Variants in NR6A1 observed in about 807,000 individuals in gnomAD.
NR6A1 encodes the protein nuclear receptor subfamily 6 group A member 1, also known as retinoic acid receptor-related testis-associated receptor.
A neutral mutation model predicts 59.1 loss-of-function variants in NR6A1; 7 were observed. The observed-to-expected ratio is 0.12, with a 90% CI of 0.07 to 0.22. NR6A1 has a LOEUF of 0.22. Among genes scored for constraint, NR6A1 ranks in the 10% least tolerant of loss-of-function variants. The probability of loss-of-function intolerance (pLI) is 1.00; values close to 1 mark genes in which losing one functional copy is unlikely to be tolerated. For missense variants in NR6A1, 468 were observed against 611.6 expected, an observed-to-expected ratio of 0.77 and a Z score of 2.48; for synonymous variants, 243 against 236.1, an observed-to-expected ratio of 1.03 and a Z score of -0.27.
At chr9:124,688,112 T>A (rs961447592) in intron 2 of NR6A1, among the ~76,000 whole-genome samples, 1 of 152,062 alleles carries the variant, frequency 6.6e-6, no homozygotes, top group African/African-American at 2.4e-5. Context: ...GTTTGAGGCA[T>A]GGAGTTTGAG....
chr9:124,750,011 T>G (rs1466008762), intron 1 of NR6A1, among the ~76,000 whole-genome samples: 1 of 152,178 alleles, frequency 6.6e-6, no homozygotes, highest in African/African-American at 2.4e-5. Context: ...TAAGTCACAG[T>G]GACCATACTA....
chr9:124,729,382 CTTTTT>C (rs1248530825), intron 2 of NR6A1, among the ~76,000 whole-genome samples: 1 of 151,700 alleles, frequency 6.6e-6, no homozygotes, highest in African/African-American at 2.4e-5. Context: ...GATCACTGTT[CTTTTT>C]TTTATCATTT....
chr9:124,588,878 C>A (rs1835015509), intron 2 of NR6A1, among the ~76,000 whole-genome samples: 1 of 147,696 alleles, frequency 6.8e-6, no homozygotes, highest in Admixed American at 6.7e-5. Context: ...CGAGATCGTG[C>A]CACTGCACTC....
At chr9:124,725,887 A>G (rs1277179199) in intron 2 of NR6A1, among the ~76,000 whole-genome samples, 2 of 152,250 alleles carry the variant, frequency 1.3e-5, no homozygotes, top group Admixed American at 1.3e-4. Context: ...TGGTTGTGTC[A>G]TTATTTAATG....
chr9:124,670,696 T>A (rs920434458), intron 2 of NR6A1, among the ~76,000 whole-genome samples: 3 of 151,948 alleles, frequency 2.0e-5, no homozygotes, highest in African/African-American at 7.3e-5. Flanking sequence ...TTAAGAGCAG[T>A]GAGGAAAAGA....
chr9:124,701,700 T>C (rs1476851777), intron 2 of NR6A1, among the ~76,000 whole-genome samples: 5 of 152,222 alleles, frequency 3.3e-5, no homozygotes, highest in Non-Finnish European at 7.3e-5. Flanking sequence ...GTTCTTTACG[T>C]ATTTTAGATG....
Position 124,718,731 on chromosome 9 carries a change from A to G in NR6A1, c.142+14577T>C, listed in dbSNP as rs147596360. ...AGACTAAAAATTTGCCTTCTCCTTA[A>G]GTCTACAGCATCCTACTGCATGAAT... On this transcript the variant is annotated intron_variant, in intron 2 of 9. Transcript: ENST00000487099. 4.6e-3 allele frequency among the ~76,000 whole-genome samples: 703 copies of G among 152,002 alleles called. 5 individuals carry two copies. Among genetic ancestry groups the G allele is most frequent in the African/African-American group, 0.016 (667 of 41,450 alleles).
At chr9:124,601,216 C>T (rs1247422696) in intron 2 of NR6A1, among the ~76,000 whole-genome samples, 1 of 152,004 alleles carries the variant, frequency 6.6e-6, no homozygotes, top group Non-Finnish European at 1.5e-5. Context: ...ACGGAGGTTG[C>T]AGTGAGCAGA....
chr9:124,752,664 C>A (rs1840538071), intron 1 of NR6A1, among the ~76,000 whole-genome samples: 1 of 152,016 alleles, frequency 6.6e-6, no homozygotes, highest in Non-Finnish European at 1.5e-5. Context: ...ACAGTTATTT[C>A]AATAAATCAT....
intron 2 of NR6A1, among the ~76,000 whole-genome samples, chr9:124,663,839 A>C (rs1453445477): frequency 6.6e-6 from 1 of 152,230 alleles, no homozygotes; most frequent in Non-Finnish European, 1.5e-5. Flanking sequence ...ATTATTTGAA[A>C]AGTGAGGTGG....
At chr9:124,769,857 T>C (rs1841062690) in intron 1 of NR6A1, among the ~76,000 whole-genome samples, 1 of 152,218 alleles carries the variant, frequency 6.6e-6, no homozygotes, top group Admixed American at 6.5e-5. Flanking sequence ...TCCAGGGCGC[T>C]TTCCAAGTTC....
At chr9:124,711,930 T>C (rs1177097380) in intron 2 of NR6A1, among the ~76,000 whole-genome samples, 1 of 152,252 alleles carries the variant, frequency 6.6e-6, no homozygotes, top group Non-Finnish European at 1.5e-5. Flanking sequence ...AGAGTTTTTG[T>C]ACATGCTCTT....
chr9:124,550,694 C>CATTTAT (rs1036044240), intron 3 of NR6A1, among the ~76,000 whole-genome samples: 2 of 151,672 alleles, frequency 1.3e-5, no homozygotes, highest in East Asian at 3.9e-4. Flanking sequence ...ATTCCTTCTA[C>CATTTAT]ATTTATATTT....
intron 2 of NR6A1, among the ~76,000 whole-genome samples, chr9:124,598,004 C>A (rs1835327015): frequency 6.6e-6 from 1 of 152,112 alleles, no homozygotes; most frequent in Non-Finnish European, 1.5e-5. Context: ...CACGCACCAC[C>A]ACGCCTGGCT....
intron 3 of NR6A1, among the ~76,000 whole-genome samples, chr9:124,547,510 T>C (rs1292074403): frequency 6.6e-6 from 1 of 152,196 alleles, no homozygotes. Context: ...ATGTTGCCTG[T>C]ACTCAGAAAG....
intron 2 of NR6A1, among the ~76,000 whole-genome samples, chr9:124,625,441 C>T (rs1331507809): frequency 6.6e-6 from 1 of 152,184 alleles, no homozygotes; most frequent in African/African-American, 2.4e-5. Context: ...GAGCCTCCTG[C>T]TCATCCTCTC....
chr9:124,696,360 G>A (rs1164313625), intron 2 of NR6A1, among the ~76,000 whole-genome samples: 1 of 152,074 alleles, frequency 6.6e-6, no homozygotes, highest in Non-Finnish European at 1.5e-5. Context: ...TCTCAAAAAG[G>A]CATACTTTGG....
chr9:124,730,963 G>A (rs2131122784), intron 2 of NR6A1, among the ~76,000 whole-genome samples: 1 of 152,302 alleles, frequency 6.6e-6, no homozygotes, highest in Admixed American at 6.5e-5. Flanking sequence ...GGAGCAGAGA[G>A]AACACTCAGT....
At chr9:124,751,150 A>G (rs1309322204) in intron 1 of NR6A1, among the ~76,000 whole-genome samples, 1 of 152,212 alleles carries the variant, frequency 6.6e-6, no homozygotes, top group Non-Finnish European at 1.5e-5. Flanking sequence ...CACACAATAA[A>G]TTTCAGCTCA....
Sources: gnomAD v4.1 joint callset for allele counts (sites outside exome capture counted in the v4.1 genomes callset) on GRCh38, gnomAD v4.1.1 for gene constraint, MANE v1.5 for transcripts, NCBI Gene and HGNC (gene_info 2026-07-23, HGNC 2026-07-21) for gene names.